Variants in SLC10A7 observed in about 807,000 individuals in gnomAD.
The protein encoded by SLC10A7 is sodium/bile acid cotransporter 7.
Under a neutral mutation model 43.2 loss-of-function variants are expected in SLC10A7, and 29 were observed. That is an observed-to-expected ratio of 0.67 (90% confidence interval 0.50 to 0.92). SLC10A7 has a LOEUF of 0.92. Among genes scored for constraint, SLC10A7 ranks in the 40% least tolerant of loss-of-function variants. SLC10A7 has a pLI of 0.00. For synonymous variants in SLC10A7, 152 were observed against 144.8 expected, an observed-to-expected ratio of 1.05 and a Z score of -0.35; for missense variants, 295 against 403.2, an observed-to-expected ratio of 0.73 and a Z score of 2.30.
At chr4:146,257,091 T>A (rs1041317176) in intron 11 of SLC10A7, among the ~76,000 whole-genome samples, 1 of 152,228 alleles carries the variant, frequency 6.6e-6, no homozygotes, top group Non-Finnish European at 1.5e-5. Flanking sequence ...ATAATATTGA[T>A]GAGTATTAGG....
intron 3 of SLC10A7, among the ~76,000 whole-genome samples, chr4:146,507,529 C>G (rs545425556): frequency 2.2e-4 from 34 of 152,032 alleles, no homozygotes; most frequent in Admixed American, 1.2e-3. Flanking sequence ...CCACTGCACT[C>G]CAGCCTGGTG....
chr4:146,326,174 A>G (rs1216023730), intron 5 of SLC10A7, among the ~76,000 whole-genome samples, 178 bp from the exon 6 acceptor site: 2 of 152,200 alleles, frequency 1.3e-5, no homozygotes, highest in South Asian at 2.1e-4. Context: ...TAACATCTCT[A>G]TTACAATTAT....
chr4:146,366,473 A>T (rs2149771552), intron 5 of SLC10A7, among the ~76,000 whole-genome samples: 1 of 152,254 alleles, frequency 6.6e-6, no homozygotes, highest in Non-Finnish European at 1.5e-5. Context: ...CAGTTTTTGA[A>T]TGTGGAAAGG....
intron 4 of SLC10A7, among the ~76,000 whole-genome samples, chr4:146,481,167 C>T (rs1417501424): frequency 6.6e-6 from 1 of 152,154 alleles, no homozygotes; most frequent in Non-Finnish European, 1.5e-5. Flanking sequence ...TGTAGCCATG[C>T]TTTCTGGGGC....
chr4:146,416,705 G>A (rs1286029847), intron 5 of SLC10A7, among the ~76,000 whole-genome samples: 1 of 152,160 alleles, frequency 6.6e-6, no homozygotes, highest in Non-Finnish European at 1.5e-5. Context: ...ACTTACAAAT[G>A]TCTTCCCATC....
intron 4 of SLC10A7, among the ~76,000 whole-genome samples, chr4:146,447,000 C>A (rs1440600628): frequency 2.0e-5 from 3 of 152,160 alleles, no homozygotes; most frequent in Non-Finnish European, 4.4e-5. Context: ...GATCTGACAT[C>A]TGGTACCATA....
intron 9 of SLC10A7, among the ~76,000 whole-genome samples, chr4:146,285,890 C>T (rs1328379503): frequency 6.8e-6 from 1 of 147,044 alleles, no homozygotes; most frequent in Admixed American, 6.8e-5. Context: ...GTGAGAAAGA[C>T]TGAATTTGGA....
intron 10 of SLC10A7, among the ~76,000 whole-genome samples, chr4:146,261,906 C>G (rs1181183311): frequency 6.6e-6 from 1 of 152,168 alleles, no homozygotes; most frequent in African/African-American, 2.4e-5. Flanking sequence ...ACTCCAGCGA[C>G]TCGAGTCATA....
At chr4:146,381,076 T>C (rs1300855575) in intron 5 of SLC10A7, among the ~76,000 whole-genome samples, 1 of 152,054 alleles carries the variant, frequency 6.6e-6, no homozygotes, top group African/African-American at 2.4e-5. Flanking sequence ...CTAAAGCCCA[T>C]ACAATTTGGG....
intron 10 of SLC10A7, among the ~76,000 whole-genome samples, chr4:146,266,527 C>G (rs963886035): frequency 7.9e-5 from 12 of 152,118 alleles, no homozygotes; most frequent in Non-Finnish European, 1.2e-4. Flanking sequence ...ACTGATTTAT[C>G]TCAAATAACT....
At chr4:146,507,485 C>T (rs551663816) in intron 3 of SLC10A7, among the ~76,000 whole-genome samples, 8 of 152,186 alleles carry the variant, frequency 5.3e-5, no homozygotes, top group Non-Finnish European at 8.8e-5. Context: ...CACTTGAACC[C>T]GGGAGGCAGA....
chr4:146,404,466 C>G (rs578222654), intron 5 of SLC10A7, among the ~76,000 whole-genome samples: 144 of 136,942 alleles, frequency 1.1e-3, no homozygotes, highest in Admixed American at 2.6e-3. Context: ...CATAGGTTTG[C>G]TGCTCATTTA....
At chr4:146,433,656 A>C (rs1729965494) in intron 5 of SLC10A7, among the ~76,000 whole-genome samples, 1 of 152,104 alleles carries the variant, frequency 6.6e-6, no homozygotes, top group African/African-American at 2.4e-5. Context: ...GCTTGAGCTC[A>C]GGAGTTCAAC....
chr4:146,305,579 A>C (rs1011410665), intron 7 of SLC10A7, among the ~76,000 whole-genome samples: 4 of 61,184 alleles, frequency 6.5e-5, no homozygotes, highest in Non-Finnish European at 9.4e-5. Context: ...TATAATAATA[A>C]AAGAAAAAAA....
chr4:146,426,585 T>C (rs1729369551), intron 5 of SLC10A7, among the ~76,000 whole-genome samples: 1 of 152,052 alleles, frequency 6.6e-6, no homozygotes, highest in African/African-American at 2.4e-5. Context: ...TTTAAAAACA[T>C]ATAACAGGCC....
At chr4:146,285,682 C>T (rs561497177) in intron 9 of SLC10A7, among the ~76,000 whole-genome samples, 1 of 152,142 alleles carries the variant, frequency 6.6e-6, no homozygotes, top group Non-Finnish European at 1.5e-5. Context: ...ATTAAGGAAA[C>T]AGAATTAAAG....
intron 4 of SLC10A7, among the ~76,000 whole-genome samples, chr4:146,445,936 C>A (rs778960585): frequency 6.6e-6 from 1 of 151,616 alleles, no homozygotes; most frequent in African/African-American, 2.4e-5. Flanking sequence ...CGCGCGTGCA[C>A]GGGAGTCCCC....
intron 5 of SLC10A7, among the ~76,000 whole-genome samples, chr4:146,350,044 A>C (rs1171979555): frequency 6.6e-6 from 1 of 152,182 alleles, no homozygotes; most frequent in Non-Finnish European, 1.5e-5. Context: ...ATGGCCGAAT[A>C]GGAACAGCTC....
chr4:146,327,443 T>C (rs1733210401), intron 5 of SLC10A7, among the ~76,000 whole-genome samples: 1 of 152,220 alleles, frequency 6.6e-6, no homozygotes, highest in Non-Finnish European at 1.5e-5. Context: ...AACTGATAAC[T>C]TCGAAGGGCT....
Sources: allele counts gnomAD v4.1 joint callset (sites outside exome capture counted in the v4.1 genomes callset), GRCh38; gene constraint gnomAD v4.1.1; transcripts MANE v1.5; gene names NCBI Gene and HGNC (gene_info 2026-07-23, HGNC 2026-07-21).